Variants in ZNF438 observed in about 807,000 individuals in gnomAD.
ZNF438 encodes zinc finger protein 438.
A neutral mutation model predicts 38.0 loss-of-function variants in ZNF438; 25 were observed. The ratio of observed to expected loss-of-function variants is 0.66; its 90% CI spans 0.48 to 0.92. ZNF438 has a LOEUF of 0.92. Ranked by LOEUF, ZNF438 falls within the 40% of genes least tolerant of loss-of-function variation. The pLI is 0.00. For synonymous variants in ZNF438, 372 were observed against 364.1 expected, an observed-to-expected ratio of 1.02 and a Z score of -0.25; for missense variants, 1,007 against 999.6, an observed-to-expected ratio of 1.01 and a Z score of -0.10.
intron 3 of ZNF438, among the ~76,000 whole-genome samples, chr10:30,903,403 T>C (rs1020750438): frequency 6.6e-6 from 1 of 152,204 alleles, no homozygotes; most frequent in Non-Finnish European, 1.5e-5. Flanking sequence ...AACTGGAGAA[T>C]AAAAGCATCC....
At chr10:30,889,529 C>A (rs1564577643) in intron 3 of ZNF438, among the ~76,000 whole-genome samples, 1 of 152,180 alleles carries the variant, frequency 6.6e-6, no homozygotes, top group Non-Finnish European at 1.5e-5. Flanking sequence ...TCTCAGCCTC[C>A]CCAGTAGCTG....
intron 1 of ZNF438, among the ~76,000 whole-genome samples, chr10:30,978,013 G>A (rs1429846587): frequency 2.0e-5 from 3 of 151,416 alleles, no homozygotes; most frequent in Admixed American, 1.3e-4. Flanking sequence ...AAGGGACATT[G>A]GTATGTTGGT....
chr10:30,878,993 G>A (rs148644835), intron 3 of ZNF438, among the ~76,000 whole-genome samples: 68 of 152,272 alleles, frequency 4.5e-4, no homozygotes, highest in African/African-American at 1.6e-3. Flanking sequence ...AAACAACTGC[G>A]ATGAGCTCTA....
intron 3 of ZNF438, among the ~76,000 whole-genome samples, chr10:30,899,654 A>AC (rs1042509834): frequency 4.0e-5 from 6 of 148,352 alleles, no homozygotes; most frequent in South Asian, 2.2e-4. Flanking sequence ...CCTCCTCCCC[A>AC]CCCCCCCACA....
intron 1 of ZNF438, among the ~76,000 whole-genome samples, chr10:31,009,896 T>C (rs1207773784): frequency 1.3e-5 from 2 of 148,176 alleles, no homozygotes; most frequent in Non-Finnish European, 3.0e-5. Flanking sequence ...CCCAGCAGGC[T>C]GGAGTGCAGT....
At chr10:30,978,283 T>C (rs900043882) in intron 1 of ZNF438, among the ~76,000 whole-genome samples, 1 of 152,196 alleles carries the variant, frequency 6.6e-6, no homozygotes, top group African/African-American at 2.4e-5. Flanking sequence ...ATTTAGGGAC[T>C]TTTAATTCAT....
At chr10:30,914,418 CAT>C (rs769361981) in intron 2 of ZNF438, among the ~76,000 whole-genome samples, 13 of 151,116 alleles carry the variant, frequency 8.6e-5, no homozygotes, top group Admixed American at 1.3e-4. Context: ...AGAAGCTACA[CAT>C]GTGATAAAAA....
At chr10:30,931,532 T>C (rs1470700262) in intron 2 of ZNF438, among the ~76,000 whole-genome samples, 1 of 152,234 alleles carries the variant, frequency 6.6e-6, no homozygotes, top group Non-Finnish European at 1.5e-5. Context: ...ACTTCTTTTA[T>C]TCCAATAAAA....
At chr10:30,897,769 C>A (rs908702521) in intron 3 of ZNF438, among the ~76,000 whole-genome samples, 1 of 152,180 alleles carries the variant, frequency 6.6e-6, no homozygotes, top group Non-Finnish European at 1.5e-5. Flanking sequence ...GTGAGACAAG[C>A]AGACAGTGGT....
At chr10:30,895,184 C>T (rs975455581) in intron 3 of ZNF438, among the ~76,000 whole-genome samples, 3 of 152,146 alleles carry the variant, frequency 2.0e-5, no homozygotes, top group Admixed American at 6.5e-5. Flanking sequence ...TTTCCTCTTC[C>T]TTTGTTTTCC....
At chr10:30,929,406 G>A (rs1337366319) in intron 2 of ZNF438, among the ~76,000 whole-genome samples, 1 of 152,090 alleles carries the variant, frequency 6.6e-6, no homozygotes, top group East Asian at 1.9e-4. Flanking sequence ...CAGCTCTTAA[G>A]GCGGTGTGTC....
chr10:31,028,631 T>C lies in ZNF438; in HGVS notation c.-192+3202A>G, dbSNP rs370713463. Reference sequence around the variant, plus strand: ...GAAAACCCAAATGAACTAATCGGCATGTATTTATGCATTTAGTCTACTCTA... The same window carrying C: ...GAAAACCCAAATGAACTAATCGGCACGTATTTATGCATTTAGTCTACTCTA... On this transcript the variant is annotated intron_variant, in intron 1 of 5. Coordinates refer to ENST00000413025, the Ensembl canonical transcript of ZNF438. 1.3e-4 allele frequency among the ~76,000 whole-genome samples: 20 copies of C among 152,142 alleles called. 1 individual carries two copies. The East Asian group carries it at 2.7e-3, about 20-fold the overall frequency.
intron 1 of ZNF438, among the ~76,000 whole-genome samples, chr10:31,000,387 A>AC (rs2054528401): frequency 1.3e-5 from 2 of 152,208 alleles, no homozygotes; most frequent in African/African-American, 4.8e-5. Flanking sequence ...ATCAAAATCT[A>AC]CCTTTTAACA....
chr10:30,921,696 G>C (rs1182105887), intron 2 of ZNF438, among the ~76,000 whole-genome samples: 1 of 151,976 alleles, frequency 6.6e-6, no homozygotes, highest in Non-Finnish European at 1.5e-5. Context: ...TGCGTATGAT[G>C]GATCTACTTG....
At chr10:30,924,187 CAG>C (rs2044641788) in intron 2 of ZNF438, among the ~76,000 whole-genome samples, 1 of 152,058 alleles carries the variant, frequency 6.6e-6, no homozygotes, top group African/African-American at 2.4e-5. Context: ...ACTGAAACAC[CAG>C]AGGTTTGGTC....
intron 3 of ZNF438, among the ~76,000 whole-genome samples, chr10:30,889,676 G>A (rs1180170084): frequency 1.3e-5 from 2 of 152,186 alleles, no homozygotes; most frequent in Non-Finnish European, 2.9e-5. Flanking sequence ...GAAGTGCTAG[G>A]ATTATAGGTG....
chr10:30,904,807 T>C (rs1388937408), intron 3 of ZNF438, among the ~76,000 whole-genome samples: 1 of 152,176 alleles, frequency 6.6e-6, no homozygotes, highest in Non-Finnish European at 1.5e-5. Context: ...ATGCCCTTTT[T>C]GCCTAGATAA....
At chr10:30,873,693 G>C (rs1196632293) in intron 4 of ZNF438, among the ~76,000 whole-genome samples, 4 of 152,154 alleles carry the variant, frequency 2.6e-5, no homozygotes, top group African/African-American at 9.7e-5. Flanking sequence ...CAGGATTTTA[G>C]AGCCTAAAAG....
In ZNF438 at chr10:31,028,795, G is replaced by A. The variant is rs547623040; in HGVS notation, c.-192+3038C>T. The stretch of plus-strand genomic sequence containing the variant: ...TAACATCTACTACACAGCAGGCACT[G>A]GATTAGGGACTAGAGATAGAGAAGT... On this transcript the variant is annotated intron_variant, in intron 1 of 5. Coordinates refer to ENST00000413025, the Ensembl canonical transcript of ZNF438. Among the ~76,000 whole-genome samples the A allele has an allele frequency of 7.2e-5, 11 of 152,270 alleles. No individual in the cohort carries two copies. The South Asian group carries it at 1.0e-3, about 14-fold the overall frequency.
Sources: gnomAD v4.1 joint callset for allele counts (sites outside exome capture counted in the v4.1 genomes callset) on GRCh38, gnomAD v4.1.1 for gene constraint, MANE v1.5 for transcripts, NCBI Gene and HGNC (gene_info 2026-07-23, HGNC 2026-07-21) for gene names.